Variants in ZFHX4 observed in about 807,000 individuals in gnomAD.
The protein encoded by ZFHX4 is zinc finger homeobox 4.
ZFHX4 carries 56 observed loss-of-function variants against 267.6 expected under a neutral mutation model. The observed-to-expected ratio is 0.21, with a 90% CI of 0.17 to 0.26. The LOEUF (loss-of-function observed/expected upper bound fraction) is 0.26, where lower values mean the gene tolerates loss of function less well. ZFHX4 is among the 10% of genes least tolerant of loss of function. The probability of loss-of-function intolerance (pLI) is 1.00; values close to 1 mark genes in which losing one functional copy is unlikely to be tolerated. For missense variants in ZFHX4, 4,332 were observed against 4,420.0 expected, an observed-to-expected ratio of 0.98 and a Z score of 0.56; for synonymous variants, 1,778 against 1,665.6, an observed-to-expected ratio of 1.07 and a Z score of -1.64.
intron 1 of ZFHX4, among the ~76,000 whole-genome samples, chr8:76,694,763 A>C (rs1807913056): frequency 7.1e-6 from 1 of 140,354 alleles, no homozygotes; most frequent in Admixed American, 7.5e-5. Context: ...CTTTTGATGA[A>C]GTTGATCTCT....
intron 6 of ZFHX4, among the ~76,000 whole-genome samples, chr8:76,846,225 A>C (rs982902534): frequency 8.5e-5 from 13 of 152,068 alleles, no homozygotes; most frequent in South Asian, 4.1e-4. Flanking sequence ...TCATCTTTAC[A>C]AATAATCCTG....
intron 3 of ZFHX4, among the ~76,000 whole-genome samples, chr8:76,756,427 G>A (rs999758139): frequency 6.6e-6 from 1 of 152,060 alleles, no homozygotes; most frequent in Non-Finnish European, 1.5e-5. Flanking sequence ...AAGAAACAGA[G>A]AGACCAGATT....
chr8:76,817,539 A>C (rs1811538409), intron 4 of ZFHX4, among the ~76,000 whole-genome samples: 1 of 152,162 alleles, frequency 6.6e-6, no homozygotes, highest in Admixed American at 6.5e-5. Flanking sequence ...CATCCTCCAG[A>C]GCTTTTCTTT....
At position 76,864,817 on chromosome 8, in the gene ZFHX4, T is replaced by A. The variant is rs1165318397; in HGVS notation, c.*252T>A. 2 of 269,490 alleles carry A rather than the reference T, an allele frequency of 7.4e-6. No homozygotes were observed. The highest frequency in any genetic ancestry group is 1.4e-5 in the Non-Finnish European group (2 of 144,580). 16.7% of individuals were successfully genotyped at this position (269,490 alleles called of 1,614,324 possible). A position where few individuals can be genotyped will look rare whatever the true frequency, so the allele number is the denominator to read the frequency against. On this transcript the variant is annotated 3_prime_UTR_variant, in exon 11 of 11. Transcript: ENST00000651372. ...GAAAAGGAAAAAAAAATCTCACAAG[T>A]TCTTTTGGAACTTGTTTCAAGCCAA...
At chr8:76,756,210 C>A (rs75689584) in intron 3 of ZFHX4, among the ~76,000 whole-genome samples, 2,593 of 152,206 alleles carry the variant, frequency 0.017, 80 homozygotes, top group African/African-American at 0.058. Flanking sequence ...GCTTGATGAA[C>A]AGTATAGTCA....
intron 5 of ZFHX4, among the ~76,000 whole-genome samples, chr8:76,838,424 C>T (rs77711042): frequency 0.038 from 5,858 of 152,230 alleles, 244 homozygotes; most frequent in East Asian, 0.18. Flanking sequence ...GTATCTTGGA[C>T]ATAATCTCGC....
intron 4 of ZFHX4, among the ~76,000 whole-genome samples, chr8:76,829,945 T>C (rs1811891231): frequency 6.6e-6 from 1 of 152,088 alleles, no homozygotes; most frequent in African/African-American, 2.4e-5. Context: ...AAATGAACGC[T>C]AGAAATAAAT....
At chr8:76,782,112 T>C in intron 4 of ZFHX4, 1 of 359,032 alleles carries the variant, frequency 2.8e-6, no homozygotes, top group Non-Finnish European at 5.4e-6. Context: ...TTTTTTTTTT[T>C]TTTTTTTTTT....
Position 76,842,612 on chromosome 8 carries a change from G to C in ZFHX4, c.3395-43G>C, listed in dbSNP as rs1483746899. 4 of 1,437,148 alleles carry C rather than the reference G, an allele frequency of 2.8e-6. No individual in the cohort carries two copies. The East Asian group carries it at 1.0e-4, about 36-fold the overall frequency. 89.0% of individuals were successfully genotyped at this position (1,437,148 alleles called of 1,614,324 possible). A position where few individuals can be genotyped will look rare whatever the true frequency, so the allele number is the denominator to read the frequency against. On this transcript the variant is annotated intron_variant, in intron 5 of 10. Transcript: ENST00000651372. ...CTAGTTTATTTCAGTGTGAACTTTT[G>C]GGCGGTTTTCAGTTCTACTGATTGG...
intron 3 of ZFHX4, among the ~76,000 whole-genome samples, chr8:76,720,471 A>G (rs1366626334): frequency 6.6e-6 from 1 of 152,154 alleles, no homozygotes; most frequent in Non-Finnish European, 1.5e-5. Context: ...GATGCTATGA[A>G]CATTTATATA....
At chr8:76,823,453 A>G (rs1811706419) in intron 4 of ZFHX4, among the ~76,000 whole-genome samples, 1 of 152,192 alleles carries the variant, frequency 6.6e-6, no homozygotes, top group Non-Finnish European at 1.5e-5. Flanking sequence ...AATTCATAGC[A>G]GGTTCCAATA....
At chr8:76,771,666 C>T (rs1320845532) in intron 3 of ZFHX4, among the ~76,000 whole-genome samples, 2 of 152,050 alleles carry the variant, frequency 1.3e-5, no homozygotes, top group East Asian at 3.9e-4. Context: ...ACTCAAACTC[C>T]TGATTTCAAG....
At chr8:76,766,588 A>G (rs1442355207) in intron 3 of ZFHX4, among the ~76,000 whole-genome samples, 1 of 152,042 alleles carries the variant, frequency 6.6e-6, no homozygotes, top group Non-Finnish European at 1.5e-5. Context: ...TGCCTATATT[A>G]TTGGTTAATA....
Position 76,705,207 on chromosome 8 carries a change from C to T in ZFHX4, c.1119C>T (p.Asp373=), listed in dbSNP as rs778804692. The T allele has an allele frequency of 9.4e-5, 151 of 1,613,872 alleles. No individual in the cohort carries two copies. Among genetic ancestry groups the T allele is most frequent in the Non-Finnish European group, 1.2e-4 (147 of 1,179,906 alleles). ...GCGCTTTTCATGTTGAAAATGGTGA[C>T]TCTTTGCCGGCTGGCTTTGCCTTCT... ...LWSAFHVENG[D]SLPAGFAFLK... The change falls in exon 2 of 11, where the codon GAC becomes GAT. Residue 373 remains aspartate, a synonymous_variant. Transcript: ENST00000651372.
chr8:76,804,098 G>A (rs1180657000), intron 4 of ZFHX4, among the ~76,000 whole-genome samples: 1 of 151,982 alleles, frequency 6.6e-6, no homozygotes, highest in Non-Finnish European at 1.5e-5. Context: ...ATATTCAAAT[G>A]CCTTATTCCT....
rs1397217393 is a variant in ZFHX4 at position 76,707,695 on chromosome 8, T to A, written c.2740T>A (p.Ser914Thr). ...FQCAVCNKFT[S>T]DSLEALSVHV... ...GTGTGCTGTTTGCAACAAATTCACC[T>A]CTGACAGCCTGGAGGCCCTAAGTGT... The change falls in exon 3 of 11, where the codon TCT (serine) becomes ACT (threonine). Residue 914 changes from serine (S) to threonine (T), a missense_variant. By Grantham distance (58) the Ser-to-Thr change is moderately conservative. Around this residue, in one of 7 missense-constraint regions of ZFHX4, gnomAD observed 1,195 missense variants for 1,173.6 expected, o/e 1.02. Transcript: ENST00000651372. The A allele has an allele frequency of 6.2e-7, 1 of 1,613,830 alleles. No individual in the cohort carries two copies. The highest frequency in any genetic ancestry group is 2.2e-5 in the East Asian group (1 of 44,856).
intron 1 of ZFHX4, among the ~76,000 whole-genome samples, chr8:76,686,839 C>A (rs1563459528): frequency 6.6e-6 from 1 of 152,134 alleles, no homozygotes. Flanking sequence ...TATGTTCTGT[C>A]ATTGTTGCTA....
intron 4 of ZFHX4, among the ~76,000 whole-genome samples, chr8:76,819,051 G>A (rs7836632): frequency 0.061 from 9,325 of 152,152 alleles, 575 homozygotes; most frequent in African/African-American, 0.16. Context: ...TGGTGAAGGG[G>A]CCCTGATAGT....
intron 10 of ZFHX4, among the ~76,000 whole-genome samples, chr8:76,858,627 G>A (rs929861596): frequency 1.3e-5 from 2 of 152,130 alleles, no homozygotes; most frequent in East Asian, 1.9e-4. Flanking sequence ...TACTTATGGT[G>A]GGTAGTGCTG....
Sources: allele counts gnomAD v4.1 joint callset (sites outside exome capture counted in the v4.1 genomes callset), GRCh38; gene constraint gnomAD v4.1.1; regional missense constraint gnomAD v4.1.1; transcripts MANE v1.5; gene names NCBI Gene and HGNC (gene_info 2026-07-23, HGNC 2026-07-21).